Variants in ARHGAP17 observed in about 807,000 individuals in gnomAD.
ARHGAP17 encodes rho GTPase-activating protein 17.
A neutral mutation model predicts 99.5 loss-of-function variants in ARHGAP17; 57 were observed. That is an observed-to-expected ratio of 0.57 (90% confidence interval 0.46 to 0.71). ARHGAP17 has a LOEUF of 0.71. ARHGAP17 is among the 30% of genes least tolerant of loss of function. The pLI is 0.00. For missense variants in ARHGAP17, 1,000 were observed against 1,122.4 expected (o/e 0.89, Z 1.56); for synonymous variants, 417 against 429.6 (o/e 0.97, Z 0.36).
intron 12 of ARHGAP17, 141 bp downstream of exon 12, chr16:24,952,148 T>C: frequency 1.7e-6 from 1 of 578,946 alleles, no homozygotes; most frequent in Middle Eastern, 4.4e-4. Flanking sequence ...ATTCTAAACA[T>C]AAATAAGAGC....
intron 1 of ARHGAP17, among the ~76,000 whole-genome samples, chr16:24,979,775 A>T (rs2141363957): frequency 6.6e-6 from 1 of 152,122 alleles, no homozygotes; most frequent in East Asian, 1.9e-4. Flanking sequence ...CAGTGGTGTG[A>T]TCTCAGCTCA....
At chr16:24,921,844 G>A (rs2050727128) in intron 19 of ARHGAP17, among the ~76,000 whole-genome samples, 1 of 152,214 alleles carries the variant, frequency 6.6e-6, no homozygotes, top group Admixed American at 6.5e-5. Flanking sequence ...AACTGCACCA[G>A]CCTATGGTGC....
In ARHGAP17 at chr16:24,942,008, C is replaced by T. The variant is rs112438139; in HGVS notation, c.1469G>A (p.Gly490Glu). 6.2e-7 allele frequency: 1 copy of T among 1,614,026 alleles called. No individual in the cohort carries two copies. The highest frequency in any genetic ancestry group is 8.5e-7 in the Non-Finnish European group (1 of 1,179,936). ...KRPASMAVMEGDLVKKESFGV... is the reference protein window; with the variant it reads ...KRPASMAVMEEDLVKKESFGV... ...ATACCTTTCCTTCTTCACCAAGTCT[C>T]CTTCCATCACCGCCATGCTAGCAGG... Residue 490 changes from glycine to glutamate, a missense_variant, in exon 16 of 20, where the codon GGA becomes GAA. Physicochemically the swap from Gly to Glu is moderately conservative, Grantham distance 98. Coordinates refer to ENST00000289968, the MANE Select transcript of ARHGAP17 (RefSeq NM_001006634.3).
rs923489479 is a variant in ARHGAP17, at chr16:24,955,967, C to T, written c.725-1237G>A. On this transcript the variant is annotated intron_variant, in intron 9 of 19. Coordinates refer to ENST00000289968, the MANE Select transcript of ARHGAP17 (RefSeq NM_001006634.3). The surrounding 1 kb of genome is among the most constrained non-coding windows in gnomAD (Gnocchi z 4.0). ...CACTCTCAGAATTGTGGGGAGCCCT[C>T]CTCGTCTCTGGCCCGGCCCCAGCTG... 2 of 152,274 alleles carry T rather than the reference C, an allele frequency of 1.3e-5. No individual in the cohort carries two copies. The highest frequency in any genetic ancestry group is 4.8e-5 in the African/African-American group (2 of 41,430). The allele number at this position is 152,274 out of a possible 1,614,324, so 9.4% of individuals were successfully genotyped here.
At chr16:24,930,554 C>G in intron 19 of ARHGAP17, 1 of 806,152 alleles carries the variant, frequency 1.2e-6, no homozygotes. Context: ...TCACGACTAC[C>G]CAGCTCTGCT....
At chr16:24,944,269 CAAAA>C (rs68043853) in intron 14 of ARHGAP17, among the ~76,000 whole-genome samples, 2 of 89,604 alleles carry the variant, frequency 2.2e-5, no homozygotes, top group Non-Finnish European at 2.7e-5. Flanking sequence ...AACTCTGTCT[CAAAA>C]AAAAAAAAAA....
intron 2 of ARHGAP17, among the ~76,000 whole-genome samples, chr16:24,977,762 GA>G (rs2052561366): frequency 6.6e-6 from 1 of 152,088 alleles, no homozygotes. Flanking sequence ...TCAGCAATAA[GA>G]AACACTGACT....
intron 1 of ARHGAP17, among the ~76,000 whole-genome samples, chr16:24,990,338 T>TA (rs2053000908): frequency 5.3e-5 from 8 of 151,840 alleles, no homozygotes; most frequent in Admixed American, 5.2e-4. Context: ...ATAAAAAACT[T>TA]AGCCAGGCAT....
Position 24,920,275 on chromosome 16 carries a change from G to T in ARHGAP17, c.2516-15C>A. 6.2e-7 allele frequency: 1 copy of T among 1,613,692 alleles called. No homozygotes were observed. The highest frequency in any genetic ancestry group is 1.1e-5 in the South Asian group (1 of 91,048). On this transcript the variant is annotated splice_polypyrimidine_tract_variant and intron_variant, in intron 19 of 19. Transcript: ENST00000289968. Reference sequence around the variant, plus strand: ...GGAATTGGAGTCTGGACAAAAACACGAGGAGACATGGTATCAATGAGGGGT... The same window carrying T: ...GGAATTGGAGTCTGGACAAAAACACTAGGAGACATGGTATCAATGAGGGGT...
chr16:24,986,445 G>A (rs982298246), intron 1 of ARHGAP17, among the ~76,000 whole-genome samples: 5 of 152,124 alleles, frequency 3.3e-5, no homozygotes, highest in African/African-American at 1.2e-4. Flanking sequence ...TTTATGTTCA[G>A]AAAGCTCAGA....
rs549708519 is a variant in ARHGAP17, at chr16:24,967,816, A to T, written c.461+535T>A. 2.6e-5 allele frequency among the ~76,000 whole-genome samples: 4 copies of T among 152,136 alleles called. No individual in the cohort carries two copies. The South Asian group carries it at 8.3e-4, about 32-fold the overall frequency. On this transcript the variant is annotated intron_variant, in intron 6 of 19. Transcript: ENST00000289968. Reference sequence around the variant, plus strand: ...AAAAAAAGAAAAGGAAAGAAAAAAAAGCCAAAAAACTCCATCAAGGACAAA... The same window carrying T: ...AAAAAAAGAAAAGGAAAGAAAAAAATGCCAAAAAACTCCATCAAGGACAAA...
Position 24,985,002 on chromosome 16 carries a change from G to A in ARHGAP17, c.54-5997C>T, listed in dbSNP as rs545090329. On this transcript the variant is annotated intron_variant, in intron 1 of 19. Coordinates refer to ENST00000289968, the MANE Select transcript of ARHGAP17 (RefSeq NM_001006634.3). ...CCCATATCCCAAAGGGTACTGTTAC[G>A]AATTTGTTATATATCCTTCCCAATT... is the stretch of plus-strand genomic sequence containing the variant. 1.7e-4 allele frequency among the ~76,000 whole-genome samples: 26 copies of A among 152,190 alleles called. No homozygotes were observed. The South Asian group carries it at 4.4e-3, about 25-fold the overall frequency.
chr16:24,953,812 T>C (rs1340737606), intron 10 of ARHGAP17, among the ~76,000 whole-genome samples: 2 of 152,128 alleles, frequency 1.3e-5, no homozygotes, highest in African/African-American at 4.8e-5. Context: ...CCTCCAGACC[T>C]TGACAAATGT....
chr16:24,982,996 A>ATATAT (rs1315859010), intron 1 of ARHGAP17, among the ~76,000 whole-genome samples: 1 of 46,976 alleles, frequency 2.1e-5, no homozygotes, highest in East Asian at 4.9e-4. Context: ...ATATATATAT[A>ATATAT]TTTTTTTTTT....
chr16:24,983,244 A>G (rs2052756462), intron 1 of ARHGAP17, among the ~76,000 whole-genome samples: 1 of 151,254 alleles, frequency 6.6e-6, no homozygotes, highest in Admixed American at 6.6e-5. Flanking sequence ...AGCTCAAGCG[A>G]TCTGGCTGCC....
intron 6 of ARHGAP17, among the ~76,000 whole-genome samples, chr16:24,965,360 C>T (rs1385817072): frequency 6.6e-6 from 1 of 152,152 alleles, no homozygotes; most frequent in Non-Finnish European, 1.5e-5. Flanking sequence ...GTCCCAGCAA[C>T]TTGGGAGGCT....
chr16:24,998,266 G>A (rs757052335), intron 1 of ARHGAP17, among the ~76,000 whole-genome samples: 1 of 152,002 alleles, frequency 6.6e-6, no homozygotes, highest in African/African-American at 2.4e-5. Flanking sequence ...GAAGGAAGGG[G>A]AGGGCTGAGA....
chr16:24,943,022 T>C (rs1226703586), intron 15 of ARHGAP17, among the ~76,000 whole-genome samples: 1 of 152,028 alleles, frequency 6.6e-6, no homozygotes, highest in Non-Finnish European at 1.5e-5. Flanking sequence ...ATGGGTATCA[T>C]GGGGCTTGCA....
intron 19 of ARHGAP17, among the ~76,000 whole-genome samples, chr16:24,930,091 T>C (rs1010259405): frequency 2.6e-5 from 4 of 152,348 alleles, no homozygotes; most frequent in Admixed American, 1.3e-4. Context: ...AAAATGGTCA[T>C]GTTCTAGACT....
Sources: gnomAD v4.1 joint callset for allele counts (sites outside exome capture counted in the v4.1 genomes callset) on GRCh38, gnomAD v4.1.1 for gene constraint, Gnocchi (gnomAD v3.1) non-coding constraint, MANE v1.5 for transcripts, NCBI Gene and HGNC (gene_info 2026-07-23, HGNC 2026-07-21) for gene names.